WDR20: variants seen among roughly 807,000 people sequenced by gnomAD.
WDR20 encodes WD repeat-containing protein 20.
In WDR20, 3 loss-of-function variants were observed where a neutral mutation model predicts 38.7. That is an observed-to-expected ratio of 0.08 (90% confidence interval 0.04 to 0.20). The LOEUF is 0.20. WDR20 is among the 10% of genes least tolerant of loss of function. The pLI is 1.00. For synonymous variants in WDR20, 298 were observed against 285.6 expected, an observed-to-expected ratio of 1.04 and a Z score of -0.44; for missense variants, 559 against 727.7, an observed-to-expected ratio of 0.77 and a Z score of 2.67.
At chr14:102,200,851 C>T (rs113126590) in intron 2 of WDR20, among the ~76,000 whole-genome samples, 1 of 152,200 alleles carries the variant, frequency 6.6e-6, no homozygotes, top group Non-Finnish European at 1.5e-5. Context: ...TAGATCCAGT[C>T]TTACTGAAGG....
chr14:102,150,158 T>C (rs532695419), intron 1 of WDR20, among the ~76,000 whole-genome samples: 1 of 152,296 alleles, frequency 6.6e-6, no homozygotes, highest in South Asian at 2.1e-4. Context: ...GGAAGGAATT[T>C]ATAAGGATTT....
chr14:102,180,196 G>T (rs1338042231), intron 1 of WDR20, among the ~76,000 whole-genome samples: 1 of 152,156 alleles, frequency 6.6e-6, no homozygotes, highest in Non-Finnish European at 1.5e-5. Flanking sequence ...CACTTACTTT[G>T]TTCCAGGTAT....
chr14:102,163,953 C>T (rs2059268770), intron 1 of WDR20, among the ~76,000 whole-genome samples: 1 of 152,072 alleles, frequency 6.6e-6, no homozygotes, highest in Non-Finnish European at 1.5e-5. Context: ...ATTATAGAAT[C>T]GGTGTACACG....
At chr14:102,165,172 C>T (rs2152796957) in intron 1 of WDR20, among the ~76,000 whole-genome samples, 1 of 152,096 alleles carries the variant, frequency 6.6e-6, no homozygotes, top group African/African-American at 2.4e-5. Flanking sequence ...CAGCTCCAGT[C>T]ATGGGTGTGG....
At chr14:102,200,454 T>C (rs1037836703) in intron 2 of WDR20, among the ~76,000 whole-genome samples, 1 of 125,376 alleles carries the variant, frequency 8.0e-6, no homozygotes, top group Non-Finnish European at 1.7e-5. Context: ...GTTTACTTTT[T>C]AAATTTTTTT....
chr14:102,218,027 G>A (rs1295727047), downstream of WDR20, among the ~76,000 whole-genome samples: 2 of 152,226 alleles, frequency 1.3e-5, no homozygotes, highest in Non-Finnish European at 2.9e-5. Flanking sequence ...TCCACAGCAC[G>A]CCGGCCAGCT....
At chr14:102,190,264 G>A (rs2152925573) in intron 1 of WDR20, among the ~76,000 whole-genome samples, 1 of 152,268 alleles carries the variant, frequency 6.6e-6, no homozygotes, top group East Asian at 1.9e-4. Flanking sequence ...CTGGCACATA[G>A]GAAGTGTTGA....
chr14:102,158,902 AAC>A (rs1355479296), intron 1 of WDR20, among the ~76,000 whole-genome samples: 2 of 152,092 alleles, frequency 1.3e-5, no homozygotes, highest in East Asian at 3.9e-4. Flanking sequence ...CTCATTTTAA[AAC>A]AGTTGTCAGG....
In WDR20 at chr14:102,154,774, A is replaced by G. The variant is rs116399951; in HGVS notation, c.249+14602A>G. 7.4e-3 allele frequency among the ~76,000 whole-genome samples: 1,130 copies of G among 152,268 alleles called. 15 individuals carry two copies. Among genetic ancestry groups the G allele is most frequent in the African/African-American group, 0.025 (1,057 of 41,550 alleles). On this transcript the variant is annotated intron_variant, in intron 1 of 2. Transcript: ENST00000342702. ...TTTGTTGCCTTTTTGTTTGTATGCT[A>G]TCCTTGATTATTGGTGAGAATGATA... is the stretch of plus-strand genomic sequence containing the variant.
chr14:102,214,101 C>T (rs2062908694), downstream of WDR20: 9 of 985,560 alleles, frequency 9.1e-6, no homozygotes, highest in Non-Finnish European at 1.1e-5. Flanking sequence ...TCGGTGTGCC[C>T]TTGGCTGAGG....
At chr14:102,224,125 TCCGCCTCCCGGGTTCACGCCATTCTC>T (rs1567115500), downstream of WDR20, among the ~76,000 whole-genome samples, 2 of 147,364 alleles carry the variant, frequency 1.4e-5, no homozygotes, top group Admixed American at 1.4e-4. Flanking sequence ...CACTGCAAGC[TCCGCCTCCCGGGTTCACGCCATTCTC>T]CCGCCTCAGC....
rs781459841 is a variant in WDR20, at chr14:102,209,381, T to A, written c.1211T>A (p.Met404Lys). 1.2e-6 allele frequency: 2 copies of A among 1,614,152 alleles called. No individual in the cohort carries two copies. The highest frequency in any genetic ancestry group is 2.2e-5 in the South Asian group (2 of 91,086). The change falls in exon 3 of 3, where the codon ATG becomes AAG. Residue 404 changes from methionine (M) to lysine (K), a missense_variant. Transcript: ENST00000342702. This position sits in a 1 kb window ranked among gnomAD's most constrained non-coding sequence, Gnocchi z 6.0. ...AGAGCAAGGACACACACAAATGTCA[T>A]GAATGCCACGAGTCCTCCTGCTGGA... is the stretch of plus-strand genomic sequence containing the variant. ...LSRARTHTNV[M>K]NATSPPAGSN...
Position 102,209,434 on chromosome 14 carries a change from G to T in WDR20, c.1264G>T (p.Gly422Trp). 1 of 1,614,154 alleles carries T rather than the reference G, an allele frequency of 6.2e-7. No homozygotes were observed. The highest frequency in any genetic ancestry group is 8.5e-7 in the Non-Finnish European group (1 of 1,180,028). The change falls in exon 3 of 3, where the codon GGG becomes TGG. Residue 422 changes from glycine to tryptophan, a missense_variant. Transcript: ENST00000342702. The surrounding 1 kb of genome is among the most constrained non-coding windows in gnomAD (Gnocchi z 6.0). ...GSNGNSVTTP[G>W]NSVPPPLPRS... ...CAATGGGAACAGTGTTACAACACCC[G>T]GGAACTCTGTGCCGCCTCCTCTGCC...
chr14:102,161,142 A>ATATATATATTTTTTTTT (rs1342924049), intron 1 of WDR20, among the ~76,000 whole-genome samples: 1 of 16,050 alleles, frequency 6.2e-5, no homozygotes, highest in African/African-American at 3.2e-4. Context: ...ATATATATAT[A>ATATATATATTTTTTTTT]TTTTTTTTTT....
chr14:102,164,434 C>T (rs2059377649), intron 1 of WDR20, among the ~76,000 whole-genome samples: 1 of 152,192 alleles, frequency 6.6e-6, no homozygotes, highest in Non-Finnish European at 1.5e-5. Flanking sequence ...GGCACTCTCT[C>T]CCACAGTGAC....
intron 2 of WDR20, among the ~76,000 whole-genome samples, chr14:102,206,721 T>C (rs552469858): frequency 1.8e-4 from 27 of 152,324 alleles, no homozygotes; most frequent in Admixed American, 1.8e-3. Flanking sequence ...GCAGACACCC[T>C]TAGGCCCTGG....
downstream of WDR20, among the ~76,000 whole-genome samples, chr14:102,217,021 C>CATCT (rs1270141668): frequency 6.6e-6 from 1 of 152,178 alleles, no homozygotes; most frequent in South Asian, 2.1e-4. Context: ...ACGAATGGAC[C>CATCT]ATCTAGAGGC....
chr14:102,147,839 G>A (rs1410584275), intron 1 of WDR20, among the ~76,000 whole-genome samples: 1 of 152,054 alleles, frequency 6.6e-6, no homozygotes, highest in Admixed American at 6.6e-5. Context: ...CAAGCCATTC[G>A]CAGGCCTCAG....
At chr14:102,217,864 G>GTGTC (rs1380980243), downstream of WDR20, among the ~76,000 whole-genome samples, 14 of 152,260 alleles carry the variant, frequency 9.2e-5, no homozygotes, top group African/African-American at 3.4e-4. Flanking sequence ...CTCTAAAAAG[G>GTGTC]TGTCGCTTTG....
Sources: gnomAD v4.1 joint callset for allele counts (sites outside exome capture counted in the v4.1 genomes callset) on GRCh38, gnomAD v4.1.1 for gene constraint, Gnocchi (gnomAD v3.1) non-coding constraint, MANE v1.5 for transcripts, NCBI Gene and HGNC (gene_info 2026-07-23, HGNC 2026-07-21) for gene names.